The following MIS18A variants were observed in gnomAD, a reference collection of about 807,000 sequenced individuals.
MIS18A encodes protein Mis18-alpha.
In MIS18A, 14 loss-of-function variants were observed where a neutral mutation model predicts 25.0. That is an observed-to-expected ratio of 0.56 (90% confidence interval 0.37 to 0.88). The LOEUF (loss-of-function observed/expected upper bound fraction) is 0.88, where lower values mean the gene tolerates loss of function less well. MIS18A is among the 40% of genes least tolerant of loss of function. MIS18A has a pLI of 0.00. For missense variants in MIS18A, 292 were observed against 290.8 expected, an observed-to-expected ratio of 1.00 and a Z score of -0.03; for synonymous variants, 134 against 118.6, an observed-to-expected ratio of 1.13 and a Z score of -0.84.
the MIS18A span, among the ~76,000 whole-genome samples, chr21:32,198,402 G>T: frequency 6.6e-6 from 1 of 152,194 alleles, no homozygotes; most frequent in Non-Finnish European, 1.5e-5. Flanking sequence ...TTCCTTCCCG[G>T]GTGTGTATCA....
the MIS18A span, among the ~76,000 whole-genome samples, chr21:32,160,767 G>A: frequency 1.3e-5 from 2 of 152,026 alleles, no homozygotes. Context: ...GAGTAGCTGG[G>A]ATTACAGGTA....
the MIS18A span, among the ~76,000 whole-genome samples, chr21:32,210,732 A>T: frequency 6.6e-6 from 1 of 152,104 alleles, no homozygotes; most frequent in African/African-American, 2.4e-5. Flanking sequence ...AAATAGTGTA[A>T]CCCACTCATT....
At chr21:32,170,876 G>A in the MIS18A span, among the ~76,000 whole-genome samples, 1 of 151,912 alleles carries the variant, frequency 6.6e-6, no homozygotes, top group Non-Finnish European at 1.5e-5. Flanking sequence ...ATAAAGCTGA[G>A]GGGGGAAACA....
chr21:32,248,110 C>G, the MIS18A span, among the ~76,000 whole-genome samples: 1 of 152,184 alleles, frequency 6.6e-6, no homozygotes, highest in African/African-American at 2.4e-5. Flanking sequence ...CTCCCTGTGG[C>G]TCCCAGGCTA....
chr21:32,267,767 T>C (rs1041770419), downstream of MIS18A, among the ~76,000 whole-genome samples: 1 of 152,190 alleles, frequency 6.6e-6, no homozygotes, highest in Non-Finnish European at 1.5e-5. Flanking sequence ...TGGGACTACA[T>C]CGAGCTTACT....
the MIS18A span, among the ~76,000 whole-genome samples, chr21:32,217,767 A>C: frequency 1.3e-5 from 2 of 152,290 alleles, no homozygotes. Context: ...TAACTTTCTC[A>C]TCAGAATCCA....
chr21:32,277,325 TAC>T (rs2031832968), intron 1 of MIS18A, among the ~76,000 whole-genome samples: 2 of 152,142 alleles, frequency 1.3e-5, no homozygotes, highest in Non-Finnish European at 2.9e-5. Flanking sequence ...TGGCAAAAAA[TAC>T]ACTCTATCGA....
At chr21:32,220,694 G>A in the MIS18A span, among the ~76,000 whole-genome samples, 1 of 151,998 alleles carries the variant, frequency 6.6e-6, no homozygotes, top group Admixed American at 6.6e-5. Flanking sequence ...AGCTAAAAGA[G>A]CATCTTCTAA....
chr21:32,278,993 T>A lies in MIS18A; in HGVS notation c.22A>T (p.Arg8Trp). 3 of 1,601,746 alleles carry A rather than the reference T, an allele frequency of 1.9e-6. No homozygotes were observed. The highest frequency in any genetic ancestry group is 4.5e-5 in the East Asian group (2 of 44,566). MAGVRSL[R>W]CSRGCAGGCE... Reference sequence around the variant, plus strand: ...CCGCCAGCGCATCCTCTGCTACACCTCAGTGACCGAACGCCTGCCATTACC... The same window carrying A: ...CCGCCAGCGCATCCTCTGCTACACCACAGTGACCGAACGCCTGCCATTACC... The change falls in exon 1 of 5, where the codon AGG (arginine) becomes TGG (tryptophan). Residue 8 changes from arginine (R) to tryptophan (W), a missense_variant. Arg to Trp is a moderately radical substitution (Grantham distance 101, BLOSUM62 -3). Transcript: ENST00000290130.
the MIS18A span, among the ~76,000 whole-genome samples, chr21:32,232,921 T>C: frequency 2.0e-5 from 3 of 152,114 alleles, no homozygotes; most frequent in Non-Finnish European, 4.4e-5. Flanking sequence ...TACAGGGTAT[T>C]AGAGTGAGCA....
At chr21:32,161,566 A>G in the MIS18A span, among the ~76,000 whole-genome samples, 12 of 151,832 alleles carry the variant, frequency 7.9e-5, no homozygotes, top group Non-Finnish European at 1.2e-4. Flanking sequence ...ATCTCAGCTC[A>G]CTGCAAACTC....
At chr21:32,213,607 C>T in the MIS18A span, among the ~76,000 whole-genome samples, 1 of 152,104 alleles carries the variant, frequency 6.6e-6, no homozygotes, top group South Asian at 2.1e-4. Flanking sequence ...TACCTTTCAA[C>T]GTGTGGATCA....
chr21:32,274,732 G>T, intron 2 of MIS18A, 98 bp downstream of exon 2: 1 of 956,688 alleles, frequency 1.0e-6, no homozygotes, highest in South Asian at 1.5e-5. Flanking sequence ...ATCATGAAAA[G>T]TTTTATCCCA....
downstream of MIS18A, among the ~76,000 whole-genome samples, chr21:32,263,336 C>G (rs979760416): frequency 6.6e-6 from 1 of 152,214 alleles, no homozygotes; most frequent in Admixed American, 6.5e-5. Flanking sequence ...TGGCTCACGC[C>G]TGTAATCCCA....
At chr21:32,196,459 CTT>C in the MIS18A span, among the ~76,000 whole-genome samples, 19,875 of 130,738 alleles carry the variant, frequency 0.15, 1,320 homozygotes, top group East Asian at 0.24. Context: ...GAGCTAATGT[CTT>C]TTTTTTTTTT....
chr21:32,262,836 G>A, the MIS18A span, among the ~76,000 whole-genome samples: 1 of 152,114 alleles, frequency 6.6e-6, no homozygotes, highest in Non-Finnish European at 1.5e-5. Flanking sequence ...ATCACATTTA[G>A]GCCAATAAAA....
At chr21:32,248,893 G>A in the MIS18A span, among the ~76,000 whole-genome samples, 1 of 152,252 alleles carries the variant, frequency 6.6e-6, no homozygotes, top group Middle Eastern at 3.4e-3. Context: ...CAGTAAACTT[G>A]CCTTTTTTTC....
the MIS18A span, among the ~76,000 whole-genome samples, chr21:32,174,797 A>G: frequency 6.6e-6 from 1 of 152,296 alleles, no homozygotes; most frequent in South Asian, 2.1e-4. Flanking sequence ...TGGGAACATA[A>G]TATTCAATGA....
chr21:32,247,097 G>A, the MIS18A span, among the ~76,000 whole-genome samples: 1 of 152,134 alleles, frequency 6.6e-6, no homozygotes, highest in African/African-American at 2.4e-5. Context: ...TCACTTTGGC[G>A]CTCTGTCCTT....
Sources: allele counts gnomAD v4.1 joint callset (sites outside exome capture counted in the v4.1 genomes callset), GRCh38; gene constraint gnomAD v4.1.1; transcripts MANE v1.5; gene names NCBI Gene and HGNC (gene_info 2026-07-23, HGNC 2026-07-21).